The following AHCY variants were observed in gnomAD, a reference collection of about 807,000 sequenced individuals.
AHCY encodes the protein S-adenosyl-L-homocysteine hydrolase.
A neutral mutation model predicts 45.4 loss-of-function variants in AHCY; 24 were observed. The ratio of observed to expected loss-of-function variants is 0.53; its 90% CI spans 0.38 to 0.74. The LOEUF (loss-of-function observed/expected upper bound fraction) is 0.74, where lower values mean the gene tolerates loss of function less well. AHCY is among the 30% of genes least tolerant of loss of function. The probability of loss-of-function intolerance (pLI) is 0.00; values close to 1 mark genes in which losing one functional copy is unlikely to be tolerated. For synonymous variants in AHCY, 245 were observed against 235.1 expected, an observed-to-expected ratio of 1.04 and a Z score of -0.39; for missense variants, 449 against 594.1, an observed-to-expected ratio of 0.76 and a Z score of 2.54.
intron 9 of AHCY, among the ~76,000 whole-genome samples, chr20:34,283,645 GC>G (rs1369428983): frequency 3.9e-5 from 6 of 152,196 alleles, no homozygotes; most frequent in Admixed American, 3.9e-4. Flanking sequence ...CAAACTCATA[GC>G]CATATTTCTC....
the AHCY span, among the ~76,000 whole-genome samples, chr20:34,251,087 G>A: frequency 1.3e-5 from 2 of 152,078 alleles, no homozygotes; most frequent in Non-Finnish European, 2.9e-5. Flanking sequence ...CCTCATTGCT[G>A]TTACTACTCA....
the AHCY span, among the ~76,000 whole-genome samples, chr20:34,258,026 C>T: frequency 6.6e-5 from 10 of 151,872 alleles, no homozygotes; most frequent in Non-Finnish European, 1.2e-4. Flanking sequence ...CACCTGTAGT[C>T]CCAGCTACTC....
chr20:34,294,220 G>C (rs979953079), intron 2 of AHCY, 64 bp from the exon 3 acceptor site: 33 of 1,476,798 alleles, frequency 2.2e-5, no homozygotes, highest in Middle Eastern at 4.7e-4. Context: ...GGGACGCTGG[G>C]CGAGGAAAAG....
At chr20:34,284,303 G>A (rs2036099461) in intron 9 of AHCY, among the ~76,000 whole-genome samples, 1 of 152,114 alleles carries the variant, frequency 6.6e-6, no homozygotes, top group Non-Finnish European at 1.5e-5. Context: ...GGGACTACAG[G>A]CATGCGCCAC....
chr20:34,252,278 C>T, the AHCY span, among the ~76,000 whole-genome samples: 17 of 152,138 alleles, frequency 1.1e-4, no homozygotes, highest in Non-Finnish European at 2.1e-4. Flanking sequence ...CTCTGAGTTC[C>T]CTCAGTATTT....
At chr20:34,239,308 C>T in the AHCY span, among the ~76,000 whole-genome samples, 1 of 152,066 alleles carries the variant, frequency 6.6e-6, no homozygotes, top group Non-Finnish European at 1.5e-5. Flanking sequence ...CCTCTGCCTC[C>T]CAGGTTCAAG....
At chr20:34,310,274 T>G (rs2036934776) in intron 1 of AHCY, among the ~76,000 whole-genome samples, 2 of 152,162 alleles carry the variant, frequency 1.3e-5, no homozygotes, top group South Asian at 4.1e-4. Flanking sequence ...TTGGCCAGGC[T>G]GGTCTTGAAC....
chr20:34,305,307 G>GA (rs1180549466), upstream of AHCY, among the ~76,000 whole-genome samples: 1 of 152,076 alleles, frequency 6.6e-6, no homozygotes, highest in African/African-American at 2.4e-5. Flanking sequence ...CTGGGCGACG[G>GA]AGGGAGACTC....
At chr20:34,240,261 T>G in the AHCY span, among the ~76,000 whole-genome samples, 1 of 152,208 alleles carries the variant, frequency 6.6e-6, no homozygotes, top group Non-Finnish European at 1.5e-5. Context: ...TAAACTAGTC[T>G]TGGGGTTACA....
At chr20:34,303,667 G>A, upstream of AHCY, among the ~76,000 whole-genome samples, 1 of 152,206 alleles carries the variant, frequency 6.6e-6, no homozygotes, top group East Asian at 1.9e-4. Context: ...CTGTAAAATG[G>A]GCCAAATGAC....
chr20:34,274,051 T>C, the AHCY span, among the ~76,000 whole-genome samples: 2 of 152,166 alleles, frequency 1.3e-5, no homozygotes, highest in African/African-American at 2.4e-5. Flanking sequence ...AATAGCTTCA[T>C]TGGAGTCCAG....
At chr20:34,236,804 GA>G in the AHCY span, among the ~76,000 whole-genome samples, 2 of 152,156 alleles carry the variant, frequency 1.3e-5, no homozygotes, top group African/African-American at 2.4e-5. Flanking sequence ...ATTTGCCTGG[GA>G]AAATCTTCTT....
At chr20:34,268,884 G>A in the AHCY span, 4 of 1,410,344 alleles carry the variant, frequency 2.8e-6, no homozygotes, top group Non-Finnish European at 3.9e-6. Flanking sequence ...AGCCAGCGGG[G>A]AAACCTCTGG....
the AHCY span, among the ~76,000 whole-genome samples, chr20:34,241,327 C>T: frequency 1.3e-5 from 2 of 152,178 alleles, no homozygotes; most frequent in African/African-American, 2.4e-5. Context: ...TCTGAAAGAA[C>T]CTTCCTGCCT....
In AHCY at chr20:34,280,436, C is replaced by A. The variant is rs1355514318; in HGVS notation, c.*598G>T. ...TCATGTTTTTCTGGCCCCTCTCAAC[C>A]CCTAGCTGTCACTTCTCTGTTCTTT... On this transcript the variant is annotated 3_prime_UTR_variant, in exon 10 of 10. Coordinates refer to ENST00000217426, the MANE Select transcript of AHCY (RefSeq NM_000687.4). 5 of 155,388 alleles carry A rather than the reference C, an allele frequency of 3.2e-5. No individual in the cohort carries two copies. The highest frequency in any genetic ancestry group is 1.2e-4 in the African/African-American group (5 of 41,436). 9.6% of individuals were successfully genotyped at this position (155,388 alleles called of 1,614,324 possible). A position where few individuals can be genotyped will look rare whatever the true frequency, so the allele number is the denominator to read the frequency against.
chr20:34,292,293 T>A, intron 4 of AHCY, 65 bp downstream of exon 4: 1 of 1,572,326 alleles, frequency 6.4e-7, no homozygotes. Flanking sequence ...CCTGCGGCCA[T>A]CATGTGGGCA....
At chr20:34,260,453 G>T in the AHCY span, 1 of 1,614,148 alleles carries the variant, frequency 6.2e-7, no homozygotes, top group Non-Finnish European at 8.5e-7. Flanking sequence ...CCTGCCACCT[G>T]AGGAGAAGCT....
At position 34,280,934 on chromosome 20, in the gene AHCY, C is replaced by T. The variant is rs2035979113; in HGVS notation, c.*100G>A. The T allele has an allele frequency of 1.3e-6, 2 of 1,558,496 alleles. No homozygotes were observed. The highest frequency in any genetic ancestry group is 2.7e-5 in the African/African-American group (2 of 73,798). ...AGCCCCAGAGAGTCGATGGGGGACA[C>T]TGACAAACCAATCACAAAGTTGGTG... On this transcript the variant is annotated 3_prime_UTR_variant, in exon 10 of 10. Transcript: ENST00000217426.
At chr20:34,299,330 G>C (rs950355680) in intron 1 of AHCY, among the ~76,000 whole-genome samples, 2 of 152,152 alleles carry the variant, frequency 1.3e-5, no homozygotes, top group African/African-American at 4.8e-5. Context: ...CTAAGACCAT[G>C]TTTCTACCAG....
Sources: gnomAD v4.1 joint callset for allele counts (sites outside exome capture counted in the v4.1 genomes callset) on GRCh38, gnomAD v4.1.1 for gene constraint, MANE v1.5 for transcripts, NCBI Gene and HGNC (gene_info 2026-07-23, HGNC 2026-07-21) for gene names.